TMC6: variants seen among roughly 807,000 people sequenced by gnomAD.
The protein encoded by TMC6 is transmembrane channel like 6, also known as transmembrane channel-like protein 6.
Under a neutral mutation model 95.4 loss-of-function variants are expected in TMC6, and 71 were observed. That is an observed-to-expected ratio of 0.74 (90% CI 0.61 to 0.91). TMC6 has a LOEUF of 0.91. TMC6 is among the 40% of genes least tolerant of loss of function. The pLI is 0.00. For missense variants in TMC6, 1,074 were observed against 1,079.1 expected (o/e 1.00, Z 0.07); for synonymous variants, 514 against 483.1 (o/e 1.06, Z -0.84).
Position 78,117,255 on chromosome 17 carries a change from G to A in TMC6, c.2277+14C>T, listed in dbSNP as rs2074168887. ...GAGGGTGGGGGCTGAGAGCAGCCCAGGAGGGGCACTCACATTGCTGATCTG... is the reference window on the plus strand; with the variant it reads ...GAGGGTGGGGGCTGAGAGCAGCCCAAGAGGGGCACTCACATTGCTGATCTG... On this transcript the variant is annotated intron_variant, in intron 18 of 19. Transcript: ENST00000590602. 6.2e-7 allele frequency: 1 copy of A among 1,613,156 alleles called. No homozygotes were observed. The highest frequency in any genetic ancestry group is 1.7e-5 in the Admixed American group (1 of 60,000).
Position 78,111,601 on chromosome 17 carries a change from C to T in TMC6, c.*1547G>A, listed in dbSNP as rs559303152. On this transcript the variant is annotated 3_prime_UTR_variant, in exon 20 of 20. Transcript: ENST00000590602. The stretch of plus-strand genomic sequence containing the variant: ...CCAGCTACTTGCTGAGGCCCAGAAG[C>T]ACCACTTGGCTCAGATCCACCCAGA... The T allele has an allele frequency of 1.3e-5, 2 of 152,792 alleles. No individual in the cohort carries two copies. The highest frequency in any genetic ancestry group is 1.9e-4 in the East Asian group (1 of 5,196). 9.5% of individuals were successfully genotyped at this position (152,792 alleles called of 1,614,324 possible).
rs2074611917 is a variant in TMC6 at position 78,124,779 on chromosome 17, G to A, written c.636C>T (p.Ala212=). Residue 212 remains alanine, a splice_region_variant and synonymous_variant, in exon 8 of 20, where the codon GCC becomes GCT. Transcript: ENST00000590602. ...CGRLRYACVL[A]LHSLGLALLS... Reference sequence around the variant, plus strand: ...GCAGCGCCAGGCCCAGGCTGTGCAAGGCCTGCGGGCACAGGCAGAGAGGCC... The same window carrying A: ...GCAGCGCCAGGCCCAGGCTGTGCAAAGCCTGCGGGCACAGGCAGAGAGGCC... The A allele has an allele frequency of 6.3e-7, 1 of 1,581,162 alleles. No homozygotes were observed. The highest frequency in any genetic ancestry group is 8.6e-7 in the Non-Finnish European group (1 of 1,164,348).
At chr17:78,115,418 G>C (rs73374935) in intron 18 of TMC6, among the ~76,000 whole-genome samples, 7,231 of 152,250 alleles carry the variant, frequency 0.047, 568 homozygotes, top group African/African-American at 0.16. Flanking sequence ...AATGGGAGGG[G>C]ATGGGGAGCC....
rs140886680 is a variant in TMC6 at position 78,114,822 on chromosome 17, C to T, written c.2278-1198G>A. Among the ~76,000 whole-genome samples the T allele has an allele frequency of 5.3e-3, 801 of 152,274 alleles. 5 individuals carry two copies. Among genetic ancestry groups the T allele is most frequent in the African/African-American group, 0.018 (738 of 41,554 alleles). ...CGACCTGCACGGGGAAAACTCAGAC[C>T]GACAGCCCCAAAGACGGGTCAGAGC... On this transcript the variant is annotated intron_variant, in intron 18 of 19. Coordinates refer to ENST00000590602, the MANE Select transcript of TMC6 (RefSeq NM_001127198.5).
chr17:78,119,302 CAG>C lies in TMC6; in HGVS notation c.1804_1805del (p.Leu602AspfsTer158). 1 of 1,614,014 alleles carries C rather than the reference CAG, an allele frequency of 6.2e-7. No individual in the cohort carries two copies. Among genetic ancestry groups the C allele is most frequent in the South Asian group, 1.1e-5 (1 of 91,082 alleles). On this transcript the variant is annotated frameshift_variant, in exon 14 of 20. Coordinates refer to ENST00000590602, the MANE Select transcript of TMC6 (RefSeq NM_001127198.5). LOFTEE classifies it high-confidence loss of function. Reference sequence around the variant, plus strand: ...GGCAAGCAGAGGACCCTCACCAGGTCAGAGTCTGCCCATAAATCAGCTCCAGG... The same window carrying C: ...GGCAAGCAGAGGACCCTCACCAGGTCAGTCTGCCCATAAATCAGCTCCAGG... The part of the protein sequence containing the change: ...NVLELIYGQT[L>X]TWLGVLFSPL...
upstream of TMC6, chr17:78,131,235 G>A (rs1176372740): frequency 5.8e-5 from 24 of 412,804 alleles, no homozygotes; most frequent in Admixed American, 4.6e-4. Context: ...TGCCTGTGCC[G>A]GTCCAGACTT....
chr17:78,119,028 C>A lies in TMC6; in HGVS notation c.1830G>T (p.Ser610=). ...QTLTWLGVLF[S]PLLPAVQIIK... is the part of the protein sequence containing the mutation. ...TGATCTGCACGGCGGGGAGGAGGGG[C>A]GAGAAGAGCACCCCCAGCCTGGGGA... The change falls in exon 15 of 20, where the codon TCG becomes TCT. Residue 610 remains serine (S), a synonymous_variant. Coordinates refer to ENST00000590602, the MANE Select transcript of TMC6 (RefSeq NM_001127198.5). The A allele has an allele frequency of 6.2e-7, 1 of 1,600,312 alleles. No homozygotes were observed. The highest frequency in any genetic ancestry group is 8.5e-7 in the Non-Finnish European group (1 of 1,173,924).
intron 8 of TMC6, 80 bp downstream of exon 8, chr17:78,124,444 A>G: frequency 6.3e-7 from 1 of 1,586,960 alleles, no homozygotes; most frequent in Non-Finnish European, 8.5e-7. Flanking sequence ...GCCCCAGGGG[A>G]GCTGGGACAA....
In TMC6 at chr17:78,126,850, G is replaced by A. The variant is rs574244224; in HGVS notation, c.-18C>T. The A allele has an allele frequency of 8.9e-5, 144 of 1,611,278 alleles. 1 individual carries two copies. Among genetic ancestry groups the A allele is most frequent in the South Asian group, 8.4e-4 (76 of 90,804 alleles). ...TGGGCCATGTCTCTGGCCAATGCCC[G>A]CTAGTCTGCAGACCTAGGGTAGCTC... On this transcript the variant is annotated 5_prime_UTR_variant, in exon 2 of 20. Transcript: ENST00000590602.
At chr17:78,124,417 C>T (rs1210071378) in intron 8 of TMC6, 107 bp downstream of exon 8, 48 of 1,545,666 alleles carry the variant, frequency 3.1e-5, no homozygotes, top group African/African-American at 5.4e-5. Context: ...GGAGTCACAG[C>T]GGGGCAAGGG....
chr17:78,121,740 C>T lies in TMC6; in HGVS notation c.1228-29G>A, dbSNP rs745553298. The T allele has an allele frequency of 1.9e-6, 3 of 1,553,354 alleles. No individual in the cohort carries two copies. Among genetic ancestry groups the T allele is most frequent in the African/African-American group, 1.4e-5 (1 of 73,894 alleles). On this transcript the variant is annotated intron_variant, in intron 10 of 19. Coordinates refer to ENST00000590602, the MANE Select transcript of TMC6 (RefSeq NM_001127198.5). The surrounding 1 kb of genome is among the most constrained non-coding windows in gnomAD (Gnocchi z 5.6). The stretch of plus-strand genomic sequence containing the variant: ...CAGGCGGCACCGTGTCCCCGTCACC[C>T]ACACCAGAGCACGGGCACACGCAGA...
Position 78,120,316 on chromosome 17 carries a change from C to T in TMC6, c.1715+337G>A, listed in dbSNP as rs150922575. 3.8e-3 allele frequency: 1,541 copies of T among 405,156 alleles called. 20 individuals are homozygous for T. The highest frequency in any genetic ancestry group is 0.028 in the African/African-American group (1,359 of 48,622). 25.1% of individuals were successfully genotyped at this position (405,156 alleles called of 1,614,324 possible). ...CTGGGACTACTGGTGTGCGCCACCA[C>T]GCCCTGCTAATTTTTGTATTTTTAG... On this transcript the variant is annotated intron_variant, in intron 13 of 19. Transcript: ENST00000590602.
In TMC6 at chr17:78,121,608, G is replaced by A. The variant is rs766515709; in HGVS notation, c.1331C>T (p.Thr444Ile). The change falls in exon 11 of 20, where the codon ACC becomes ATC. Residue 444 changes from threonine to isoleucine, a missense_variant. Physicochemically the swap from Thr to Ile is moderately conservative, Grantham distance 89. Transcript: ENST00000590602. The surrounding 1 kb of genome is among the most constrained non-coding windows in gnomAD (Gnocchi z 5.6). ...LGLVWLLCLGTALGCAVAVHV... is the reference protein window; with the variant it reads ...LGLVWLLCLGIALGCAVAVHV... ...GACGGCCACGGCGCAGCCCAGCGCG[G>A]TCCCCAGACACAGCAGCCACACAAG... The A allele has an allele frequency of 2.5e-6, 4 of 1,611,302 alleles. No homozygotes were observed. The South Asian group carries it at 4.4e-5, about 18-fold the overall frequency.
At chr17:78,125,368 G>T (rs2074654501) in intron 5 of TMC6, 105 bp from the exon 6 acceptor site, 1 of 1,035,072 alleles carries the variant, frequency 9.7e-7, no homozygotes, top group Non-Finnish European at 1.5e-6. Flanking sequence ...ACCGTCCCGA[G>T]ACACCTCGGT....
At chr17:78,114,738 C>G (rs551994112) in intron 18 of TMC6, among the ~76,000 whole-genome samples, 60 of 152,328 alleles carry the variant, frequency 3.9e-4, no homozygotes, top group Non-Finnish European at 7.6e-4. Context: ...AAGCAACAAC[C>G]TAAGTAGCTT....
At chr17:78,127,076 C>A (rs1156620237) in intron 1 of TMC6, 170 bp from the exon 2 acceptor site, 12 of 604,518 alleles carry the variant, frequency 2.0e-5, no homozygotes, top group Non-Finnish European at 3.2e-5. Context: ...AAGCCTCATG[C>A]CAGAATGGAA....
In TMC6 at chr17:78,121,218, G is replaced by C. The variant is rs928664639; in HGVS notation, c.1384-54C>G. 1 of 1,546,994 alleles carries C rather than the reference G, an allele frequency of 6.5e-7. No individual in the cohort carries two copies. Among genetic ancestry groups the C allele is most frequent in the Admixed American group, 1.9e-5 (1 of 51,310 alleles). On this transcript the variant is annotated intron_variant, in intron 11 of 19. Transcript: ENST00000590602. This position sits in a 1 kb window ranked among gnomAD's most constrained non-coding sequence, Gnocchi z 5.6. ...GAAGCCCCCCATCCATGGTGGGAGC[G>C]GGCAGCTACAGGGAAGGGCCCGGGG...
intron 5 of TMC6, 49 bp downstream of exon 5, chr17:78,125,677 C>T: frequency 6.5e-7 from 1 of 1,548,132 alleles, no homozygotes; most frequent in Non-Finnish European, 8.7e-7. Context: ...TCTTGCACCC[C>T]ACCCCAGGCC....
At position 78,119,029 on chromosome 17, in the gene TMC6, G is replaced by GAGA; in HGVS notation, c.1826_1828dup (p.Phe609dup). On this transcript the variant is annotated inframe_insertion, in exon 15 of 20. Transcript: ENST00000590602. ...GATCTGCACGGCGGGGAGGAGGGGC[G>GAGA]AGAAGAGCACCCCCAGCCTGGGGAG... 6.2e-7 allele frequency: 1 copy of GAGA among 1,600,108 alleles called. No homozygotes were observed. Among genetic ancestry groups the GAGA allele is most frequent in the Non-Finnish European group, 8.5e-7 (1 of 1,173,786 alleles).
Sources: gnomAD v4.1 joint callset for allele counts (sites outside exome capture counted in the v4.1 genomes callset) on GRCh38, gnomAD v4.1.1 for gene constraint, Gnocchi (gnomAD v3.1) non-coding constraint, MANE v1.5 for transcripts, NCBI Gene and HGNC (gene_info 2026-07-23, HGNC 2026-07-21) for gene names.